TSHZ3: variants seen among roughly 807,000 people sequenced by gnomAD.
TSHZ3 encodes teashirt zinc finger homeobox 3, also known as teashirt homolog 3.
Under a neutral mutation model 64.5 loss-of-function variants are expected in TSHZ3, and 10 were observed. The ratio of observed to expected loss-of-function variants is 0.16; its 90% CI spans 0.10 to 0.26. The LOEUF (loss-of-function observed/expected upper bound fraction) is 0.26, where lower values mean the gene tolerates loss of function less well. Ranked by LOEUF, TSHZ3 falls within the 10% of genes least tolerant of loss-of-function variation. The pLI is 1.00. For synonymous variants in TSHZ3, 608 were observed against 593.1 expected (o/e 1.03, Z -0.36); for missense variants, 1,242 against 1,421.7 (o/e 0.87, Z 2.03).
rs1974800197 is a variant in TSHZ3 at position 31,185,847 on chromosome 19, G to A, written n.809+19109C>T. 1.3e-5 allele frequency among the ~76,000 whole-genome samples: 2 copies of A among 152,064 alleles called. 1 individual carries two copies. The highest frequency in any genetic ancestry group is 4.1e-4 in the South Asian group (2 of 4,820). On this transcript the variant is annotated intron_variant and non_coding_transcript_variant, in intron 5 of 6. Transcript: ENST00000651361. Reference sequence around the variant, plus strand: ...AGTGCCTGCCTTCCCACCCATCCAAGCAATCACTGTTCTGGTTTCCATTTC... The same window carrying A: ...AGTGCCTGCCTTCCCACCCATCCAAACAATCACTGTTCTGGTTTCCATTTC...
At chr19:31,230,395 G>A (rs562451893) in intron 3 of TSHZ3, among the ~76,000 whole-genome samples, 10 of 152,146 alleles carry the variant, frequency 6.6e-5, no homozygotes, top group Admixed American at 5.2e-4. Context: ...ATCTCTGGGC[G>A]GCAAAAGTGT....
intron 1 of TSHZ3, among the ~76,000 whole-genome samples, chr19:31,306,122 C>T (rs1204786027): frequency 6.6e-6 from 1 of 152,138 alleles, no homozygotes; most frequent in Admixed American, 6.5e-5. Flanking sequence ...CACAGGTGTG[C>T]CCTCCCCACG....
At chr19:31,335,043 G>A (rs568346600) in intron 1 of TSHZ3, among the ~76,000 whole-genome samples, 28 of 152,264 alleles carry the variant, frequency 1.8e-4, no homozygotes, top group African/African-American at 6.3e-4. Context: ...AATGACCTGC[G>A]TGAACTTCTC....
rs1369529486 is a variant in TSHZ3, at chr19:31,278,163, A to G, written c.1630T>C (p.Trp544Arg). The change falls in exon 2 of 2, where the codon TGG (tryptophan) becomes CGG (arginine). Residue 544 changes from tryptophan (W) to arginine (R), a missense_variant. By Grantham distance (101) the Trp-to-Arg change is moderately radical. Transcript: ENST00000240587. This position sits in a 1 kb window ranked among gnomAD's most constrained non-coding sequence, Gnocchi z 4.7. Reference sequence around the variant, plus strand: ...GCATGGATGCTGGGATAGCCCCCCCAGCTAGGAGTGCCGTTCTGGGCCTTG... The same window carrying G: ...GCATGGATGCTGGGATAGCCCCCCCGGCTAGGAGTGCCGTTCTGGGCCTTG... ...INKAQNGTPS[W>R]GGYPSIHAAY... 1.2e-6 allele frequency: 2 copies of G among 1,614,032 alleles called. No individual in the cohort carries two copies. The highest frequency in any genetic ancestry group is 1.7e-6 in the Non-Finnish European group (2 of 1,180,014).
intron 1 of TSHZ3, among the ~76,000 whole-genome samples, chr19:31,333,428 G>A (rs1331623300): frequency 3.9e-5 from 6 of 151,998 alleles, no homozygotes; most frequent in African/African-American, 1.5e-4. Flanking sequence ...ACAAAAACCA[G>A]ACCCATCTCA....
chr19:31,311,592 G>A (rs1458691038), intron 1 of TSHZ3, among the ~76,000 whole-genome samples: 1 of 152,138 alleles, frequency 6.6e-6, no homozygotes, highest in African/African-American at 2.4e-5. Flanking sequence ...TTGCCCCTCT[G>A]CCCAGCTCAC....
At chr19:31,181,063 T>C (rs1164275687) in intron 5 of TSHZ3, among the ~76,000 whole-genome samples, 2 of 152,028 alleles carry the variant, frequency 1.3e-5, no homozygotes, top group Non-Finnish European at 2.9e-5. Context: ...GGGGGAGAGA[T>C]GACACAATGG....
At chr19:31,177,412 T>C (rs1349685341) in intron 5 of TSHZ3, among the ~76,000 whole-genome samples, 1 of 152,186 alleles carries the variant, frequency 6.6e-6, no homozygotes, top group African/African-American at 2.4e-5. Context: ...CTCCATGTAA[T>C]CTCCATCCCT....
At chr19:31,260,642 C>T (rs1423602581) in intron 1 of TSHZ3, among the ~76,000 whole-genome samples, 1 of 152,212 alleles carries the variant, frequency 6.6e-6, no homozygotes, top group Non-Finnish European at 1.5e-5. Flanking sequence ...CTTTGTTGAG[C>T]ATCTACTATG....
chr19:31,170,658 A>T (rs1254035122), intron 5 of TSHZ3, among the ~76,000 whole-genome samples: 1 of 152,246 alleles, frequency 6.6e-6, no homozygotes, highest in African/African-American at 2.4e-5. Flanking sequence ...TCAGTTTATG[A>T]ATAGGAAATT....
chr19:31,202,703 A>G (rs1178168859), intron 5 of TSHZ3, among the ~76,000 whole-genome samples: 1 of 152,204 alleles, frequency 6.6e-6, no homozygotes, highest in Non-Finnish European at 1.5e-5. Flanking sequence ...ATGTTGCCAA[A>G]TTACCTTCTG....
intron 1 of TSHZ3, among the ~76,000 whole-genome samples, chr19:31,311,034 T>C (rs1168569060): frequency 6.6e-6 from 1 of 152,194 alleles, no homozygotes; most frequent in Non-Finnish European, 1.5e-5. Flanking sequence ...CAGCTCAGCC[T>C]CTTGAGACCA....
At chr19:31,269,434 C>T (rs772673192) in intron 1 of TSHZ3, among the ~76,000 whole-genome samples, 1 of 152,026 alleles carries the variant, frequency 6.6e-6, no homozygotes, top group Non-Finnish European at 1.5e-5. Flanking sequence ...GACAGACACA[C>T]CTATCTCATT....
intron 1 of TSHZ3, among the ~76,000 whole-genome samples, chr19:31,327,181 G>T (rs1916956081): frequency 1.3e-5 from 2 of 152,114 alleles, no homozygotes; most frequent in South Asian, 4.1e-4. Context: ...AAGGAAAAAA[G>T]AATATTCCAC....
intron 6 of TSHZ3, among the ~76,000 whole-genome samples, chr19:31,154,827 A>C (rs1274047793): frequency 6.7e-6 from 1 of 148,604 alleles, no homozygotes; most frequent in African/African-American, 2.4e-5. Context: ...AGGCTGTTTT[A>C]GGCTTGAAGG....
chr19:31,170,074 G>T (rs1974515472), intron 5 of TSHZ3, among the ~76,000 whole-genome samples: 1 of 152,214 alleles, frequency 6.6e-6, no homozygotes, highest in South Asian at 2.1e-4. Flanking sequence ...CTCACTTTGG[G>T]TTCAGGAGTA....
intron 1 of TSHZ3, among the ~76,000 whole-genome samples, chr19:31,292,596 A>G (rs983672492): frequency 2.6e-5 from 4 of 152,172 alleles, no homozygotes; most frequent in African/African-American, 4.8e-5. Context: ...TGGAAGACGA[A>G]GCAACTGATT....
At chr19:31,212,017 T>C (rs1339959418) in intron 4 of TSHZ3, among the ~76,000 whole-genome samples, 2 of 151,994 alleles carry the variant, frequency 1.3e-5, no homozygotes, top group Admixed American at 6.6e-5. Flanking sequence ...AACAAACAAA[T>C]CCTTGAGAGC....
intron 1 of TSHZ3, among the ~76,000 whole-genome samples, chr19:31,339,742 G>A (rs1347712937): frequency 6.6e-6 from 1 of 151,844 alleles, no homozygotes; most frequent in Non-Finnish European, 1.5e-5. Context: ...CAGGGTGATG[G>A]GAGGCCTGGG....
Sources: gnomAD v4.1 joint callset for allele counts (sites outside exome capture counted in the v4.1 genomes callset) on GRCh38, gnomAD v4.1.1 for gene constraint, Gnocchi (gnomAD v3.1) non-coding constraint, MANE v1.5 for transcripts, NCBI Gene and HGNC (gene_info 2026-07-23, HGNC 2026-07-21) for gene names.